SAXO4: variants seen among roughly 807,000 people sequenced by gnomAD.
The protein encoded by SAXO4 is protein phosphatase 1 regulatory subunit 32.
At chr11:61,485,503 C>T in the SAXO4 span, 12 of 1,064,838 alleles carry the variant, frequency 1.1e-5, no homozygotes, top group Non-Finnish European at 1.5e-5. Flanking sequence ...GAGAAGGCAC[C>T]AGTGGAAGAA....
the SAXO4 span, among the ~76,000 whole-genome samples, chr11:61,483,785 C>T: frequency 7.2e-5 from 11 of 151,840 alleles, no homozygotes; most frequent in South Asian, 2.3e-3. Context: ...TGGTGAAACT[C>T]CATCTCTACT....
At chr11:61,484,555 A>C in the SAXO4 span, 5 of 1,136,542 alleles carry the variant, frequency 4.4e-6, no homozygotes, top group Non-Finnish European at 6.2e-6. Context: ...GAGAGGGGAC[A>C]TGCAGGTTTC....
chr11:61,481,880 C>G, the SAXO4 span: 1 of 1,575,690 alleles, frequency 6.3e-7, no homozygotes. Flanking sequence ...TACACGGACC[C>G]CCTGAAATTC....
chr11:61,484,934 C>A, the SAXO4 span: 2 of 1,279,316 alleles, frequency 1.6e-6, no homozygotes, highest in Middle Eastern at 2.8e-4. Context: ...TCAGGGTGGG[C>A]TCAGGGCGCC....
the SAXO4 span, chr11:61,485,344 C>T: frequency 5.2e-5 from 84 of 1,613,404 alleles, no homozygotes; most frequent in Middle Eastern, 5.0e-4. Flanking sequence ...CCAGGGCCCA[C>T]GCTTCATGAC....
the SAXO4 span, chr11:61,486,950 G>T: frequency 6.2e-7 from 1 of 1,613,576 alleles, no homozygotes; most frequent in Non-Finnish European, 8.5e-7. Context: ...CCCTGCAGGT[G>T]CCCCCTCCCT....
At chr11:61,485,229 C>A in the SAXO4 span, 1 of 963,940 alleles carries the variant, frequency 1.0e-6, no homozygotes, top group Non-Finnish European at 1.6e-6. Context: ...TACTGGCCCA[C>A]ACAGGCTTCC....
the SAXO4 span, chr11:61,489,938 CGT>C: frequency 6.2e-7 from 1 of 1,610,076 alleles, no homozygotes; most frequent in Non-Finnish European, 8.5e-7. Flanking sequence ...TGCATCCCCA[CGT>C]GGGAAGGTGG....
chr11:61,486,857 G>A, the SAXO4 span: 1 of 1,119,800 alleles, frequency 8.9e-7, no homozygotes, highest in Admixed American at 1.7e-5. Flanking sequence ...ACAGGTCACA[G>A]CTGTGTGTGC....
the SAXO4 span, chr11:61,482,658 A>G: frequency 1.9e-6 from 3 of 1,613,942 alleles, no homozygotes; most frequent in Non-Finnish European, 2.5e-6. Flanking sequence ...CCCTCAGGGA[A>G]CAAGCCCAGG....
chr11:61,486,312 G>A, the SAXO4 span: 472 of 1,611,672 alleles, frequency 2.9e-4, 4 homozygotes, highest in Admixed American at 3.5e-4. Context: ...CTGCCTCTGC[G>A]GGGCTGACAT....
chr11:61,489,976 C>G, the SAXO4 span: 1 of 1,584,506 alleles, frequency 6.3e-7, no homozygotes, highest in Non-Finnish European at 8.6e-7. Flanking sequence ...TGTTCTTTCT[C>G]CCTACCCCTC....
At chr11:61,487,168 ACAACCC>A in the SAXO4 span, 8 of 1,613,980 alleles carry the variant, frequency 5.0e-6, no homozygotes, top group Non-Finnish European at 6.8e-6. Context: ...TTCAGCCTTA[ACAACCC>A]CATGTATGTC....
At chr11:61,485,213 G>T in the SAXO4 span, 1 of 769,472 alleles carries the variant, frequency 1.3e-6, no homozygotes, top group African/African-American at 1.7e-5. Context: ...TGTGTCCAGG[G>T]TGCTGTACTG....
chr11:61,481,622 G>T, the SAXO4 span, among the ~76,000 whole-genome samples: 1 of 152,194 alleles, frequency 6.6e-6, no homozygotes, highest in Non-Finnish European at 1.5e-5. Flanking sequence ...GTGGATGATC[G>T]GTTTCGTCCT....
chr11:61,490,506 T>C, the SAXO4 span: 2 of 1,614,038 alleles, frequency 1.2e-6, no homozygotes, highest in Admixed American at 3.3e-5. Flanking sequence ...TGCAGAACCC[T>C]GACCTCAGCT....
chr11:61,482,046 G>A, the SAXO4 span: 6 of 718,070 alleles, frequency 8.4e-6, no homozygotes, highest in Non-Finnish European at 1.4e-5. Context: ...TTGTCCCCTG[G>A]GCCCTGCCCG....
the SAXO4 span, chr11:61,490,658 C>A: frequency 7.3e-7 from 1 of 1,373,744 alleles, no homozygotes; most frequent in Non-Finnish European, 1.0e-6. Context: ...CCCTGCCTCT[C>A]AAGCCCTGGG....
chr11:61,486,375 C>T, the SAXO4 span: 1 of 1,614,042 alleles, frequency 6.2e-7, no homozygotes. Context: ...GTCACCAAGT[C>T]AGACTTCCTC....
Sources: allele counts gnomAD v4.1 joint callset (sites outside exome capture counted in the v4.1 genomes callset), GRCh38; gene constraint gnomAD v4.1.1; transcripts MANE v1.5; gene names NCBI Gene and HGNC (gene_info 2026-07-23, HGNC 2026-07-21).